Variants in KIF16B observed in about 807,000 individuals in gnomAD.
The protein encoded by KIF16B is kinesin family member 16B.
A neutral mutation model predicts 156.3 loss-of-function variants in KIF16B; 98 were observed. The observed-to-expected ratio is 0.63, with a 90% CI of 0.53 to 0.74. The LOEUF is 0.74. Ranked by LOEUF, KIF16B falls within the 30% of genes least tolerant of loss-of-function variation. KIF16B has a pLI of 0.00. For missense variants in KIF16B, 1,421 were observed against 1,606.5 expected (o/e 0.88, Z 1.97); for synonymous variants, 564 against 583.7 (o/e 0.97, Z 0.49).
intron 25 of KIF16B, among the ~76,000 whole-genome samples, chr20:16,305,167 G>A (rs533959066): frequency 6.6e-6 from 1 of 152,190 alleles, no homozygotes; most frequent in African/African-American, 2.4e-5. Flanking sequence ...GTTAGGAACC[G>A]GCCTGGCATT....
At chr20:16,410,219 A>C (rs2065914527) in intron 15 of KIF16B, among the ~76,000 whole-genome samples, 1 of 144,162 alleles carries the variant, frequency 6.9e-6, no homozygotes, top group Admixed American at 6.9e-5. Flanking sequence ...ATATACATGT[A>C]GGTACATATA....
chr20:16,316,972 A>C (rs915698567), intron 24 of KIF16B, among the ~76,000 whole-genome samples: 2 of 152,222 alleles, frequency 1.3e-5, no homozygotes, highest in African/African-American at 4.8e-5. Context: ...AACACTTCCA[A>C]CAAATTAAGA....
chr20:16,401,052 C>G (rs896719780), intron 17 of KIF16B, among the ~76,000 whole-genome samples: 1 of 151,780 alleles, frequency 6.6e-6, no homozygotes, highest in Non-Finnish European at 1.5e-5. Context: ...CTTTCTACAG[C>G]AGGTGGCAAG....
chr20:16,274,694 A>G (rs1360275093), intron 25 of KIF16B, among the ~76,000 whole-genome samples: 1 of 152,242 alleles, frequency 6.6e-6, no homozygotes, highest in Admixed American at 6.5e-5. Context: ...GTTCTGCCCC[A>G]TAGAGTGTTC....
intron 24 of KIF16B, among the ~76,000 whole-genome samples, chr20:16,330,684 A>G (rs779066421): frequency 2.6e-5 from 4 of 152,214 alleles, no homozygotes; most frequent in Non-Finnish European, 4.4e-5. Context: ...TGCTTATGGT[A>G]AAAATGACAC....
intron 17 of KIF16B, among the ~76,000 whole-genome samples, chr20:16,387,410 G>A (rs2065254986): frequency 6.6e-6 from 1 of 152,136 alleles, no homozygotes; most frequent in South Asian, 2.1e-4. Context: ...TCACATAAGT[G>A]GAAGAACAGA....
At chr20:16,503,461 A>T (rs1345058000) in intron 10 of KIF16B, among the ~76,000 whole-genome samples, 1 of 152,204 alleles carries the variant, frequency 6.6e-6, no homozygotes, top group Non-Finnish European at 1.5e-5. Context: ...TGAGGTTTTC[A>T]TCCCATCAGT....
intron 10 of KIF16B, among the ~76,000 whole-genome samples, chr20:16,500,173 G>A (rs2068577203): frequency 6.6e-6 from 1 of 152,082 alleles, no homozygotes; most frequent in Non-Finnish European, 1.5e-5. Context: ...TCCACTGCTT[G>A]ATGTACCCAC....
At chr20:16,341,026 T>C (rs1170593368) in intron 23 of KIF16B, among the ~76,000 whole-genome samples, 3 of 152,088 alleles carry the variant, frequency 2.0e-5, no homozygotes, top group Non-Finnish European at 4.4e-5. Flanking sequence ...CCCTCCACCC[T>C]TGAGTGCTTA....
chr20:16,430,111 C>A (rs2066459922), intron 12 of KIF16B, 129 bp from the exon 13 acceptor site: 2 of 955,564 alleles, frequency 2.1e-6, no homozygotes, highest in East Asian at 2.6e-5. Flanking sequence ...GAAAAATGGA[C>A]CTTAAACTTC....
At chr20:16,405,691 T>C (rs1436868242) in intron 16 of KIF16B, among the ~76,000 whole-genome samples, 1 of 152,146 alleles carries the variant, frequency 6.6e-6, no homozygotes, top group Non-Finnish European at 1.5e-5. Flanking sequence ...CATCTTGACC[T>C]GGGGGTGATA....
intron 15 of KIF16B, among the ~76,000 whole-genome samples, chr20:16,409,506 A>G (rs920417811): frequency 6.6e-6 from 1 of 152,070 alleles, no homozygotes; most frequent in Admixed American, 6.6e-5. Flanking sequence ...TTCACCAAAG[A>G]TCATTCTTGC....
chr20:16,530,931 G>A lies in KIF16B; in HGVS notation c.48-2491C>T, dbSNP rs535490781. On this transcript the variant is annotated intron_variant, in intron 1 of 25. Transcript: ENST00000354981. ...GCTCAGGCTGGTCTCAAACTCCTGA[G>A]CTCAAGCAATCCACCCGCCTCGACC... Among the ~76,000 whole-genome samples, 18 of 152,102 alleles carry A rather than the reference G, an allele frequency of 1.2e-4. No homozygotes were observed. The South Asian group carries it at 3.3e-3, about 28-fold the overall frequency.
intron 23 of KIF16B, among the ~76,000 whole-genome samples, chr20:16,355,254 G>A (rs1363403353): frequency 6.6e-6 from 1 of 152,134 alleles, no homozygotes; most frequent in Non-Finnish European, 1.5e-5. Context: ...TCCCCACTCT[G>A]TGTGTGCCCA....
chr20:16,311,011 T>A (rs1047430383), intron 25 of KIF16B, among the ~76,000 whole-genome samples: 1 of 152,220 alleles, frequency 6.6e-6, no homozygotes, highest in African/African-American at 2.4e-5. Flanking sequence ...AGCCTCTAGA[T>A]ATTTCCCTAA....
intron 24 of KIF16B, among the ~76,000 whole-genome samples, chr20:16,318,692 T>A (rs1400024622): frequency 2.0e-5 from 3 of 152,206 alleles, no homozygotes; most frequent in Non-Finnish European, 2.9e-5. Context: ...GGATTCAGAT[T>A]CACTTTGAAA....
intron 12 of KIF16B, among the ~76,000 whole-genome samples, chr20:16,439,434 A>G (rs2066734784): frequency 1.3e-5 from 2 of 152,006 alleles, no homozygotes; most frequent in South Asian, 4.2e-4. Context: ...GCCCCTGCCC[A>G]CCTCTCCAAC....
chr20:16,388,124 G>C (rs1034190687), intron 17 of KIF16B, among the ~76,000 whole-genome samples: 1 of 152,068 alleles, frequency 6.6e-6, no homozygotes, highest in Admixed American at 6.5e-5. Context: ...TCAAAAATAA[G>C]AGTAACATTT....
chr20:16,518,849 T>A (rs2069232291), intron 3 of KIF16B, among the ~76,000 whole-genome samples: 1 of 152,118 alleles, frequency 6.6e-6, no homozygotes, highest in South Asian at 2.1e-4. Flanking sequence ...CACACCATGC[T>A]ACACTAGCAT....
Sources: allele counts gnomAD v4.1 joint callset (sites outside exome capture counted in the v4.1 genomes callset), GRCh38; gene constraint gnomAD v4.1.1; transcripts MANE v1.5; gene names NCBI Gene and HGNC (gene_info 2026-07-23, HGNC 2026-07-21).